The following HMHB1 variants were observed in gnomAD, a reference collection of about 807,000 sequenced individuals.
HMHB1 encodes the protein histocompatibility minor HB-1, also known as minor histocompatibility protein HB-1.
A neutral mutation model predicts 2.4 loss-of-function variants in HMHB1; 4 were observed. That is an observed-to-expected ratio of 1.65 (90% CI 0.81 to 3.77). HMHB1 has a LOEUF of 3.77. HMHB1 is among the 30% of genes most tolerant of loss of function. HMHB1 has a pLI of 0.01. For missense variants in HMHB1, 57 were observed against 44.2 expected (o/e 1.29, Z -0.82); for synonymous variants, 22 against 17.6 (o/e 1.25, Z -0.63).
At chr5:143,819,498 G>A (rs952790939) in intron 1 of HMHB1, among the ~76,000 whole-genome samples, 4 of 152,010 alleles carry the variant, frequency 2.6e-5, no homozygotes, top group Non-Finnish European at 2.9e-5. Context: ...AGCCAGGCAC[G>A]GTGGCAGGAG....
chr5:143,814,667 C>T (rs1197037272), intron 1 of HMHB1, among the ~76,000 whole-genome samples: 1 of 152,138 alleles, frequency 6.6e-6, no homozygotes, highest in African/African-American at 2.4e-5. Flanking sequence ...TCAATCGTCT[C>T]TAATTATATT....
chr5:143,817,557 G>A lies in HMHB1; in HGVS notation c.38-2923G>A, dbSNP rs555567125. On this transcript the variant is annotated intron_variant, in intron 1 of 1. Transcript: ENST00000289448. ...TTCTGGTTCTCTATTCTGTTCCATT[G>A]GTCTATGTGCCTATTTTTATACCAG... Among the ~76,000 whole-genome samples the A allele has an allele frequency of 1.6e-3, 237 of 152,226 alleles. 1 individual carries two copies. The highest frequency in any genetic ancestry group is 4.6e-3 in the African/African-American group (192 of 41,542).
At position 143,820,462 on chromosome 5, in the gene HMHB1, A is replaced by T; in HGVS notation, c.38-18A>T. On this transcript the variant is annotated intron_variant, in intron 1 of 1. Coordinates refer to ENST00000289448, the MANE Select transcript of HMHB1 (RefSeq NM_021182.3). ...AAGTTGTAAGCTCAAGTCTCAGCTAAGCCATTCTTTTCTATAGGTTCTCTG... is the reference window on the plus strand; with the variant it reads ...AAGTTGTAAGCTCAAGTCTCAGCTATGCCATTCTTTTCTATAGGTTCTCTG... The T allele has an allele frequency of 3.3e-6, 5 of 1,514,022 alleles. No individual in the cohort carries two copies. The highest frequency in any genetic ancestry group is 4.6e-6 in the Non-Finnish European group (5 of 1,089,756). The allele number at this position is 1,514,022 out of a possible 1,614,324, so 93.8% of individuals were successfully genotyped here.
intron 1 of HMHB1, 152 bp from the exon 2 acceptor site, chr5:143,820,328 A>AAAAAAAAAAAAAAAAAAAAAAAAAAC (rs1759796605): frequency 4.0e-6 from 1 of 249,604 alleles, no homozygotes; most frequent in Non-Finnish European, 7.0e-6. Context: ...TAAAAAAAAA[A>AAAAAAAAAAAAAAAAAAAAAAAAAAC]AAAAAAAAAA....
intron 1 of HMHB1, among the ~76,000 whole-genome samples, chr5:143,819,266 T>C (rs1471824868): frequency 1.3e-5 from 2 of 152,172 alleles, no homozygotes; most frequent in Admixed American, 1.3e-4. Context: ...TGGAGTCACA[T>C]AATATACATT....
intron 1 of HMHB1, among the ~76,000 whole-genome samples, chr5:143,819,586 G>A (rs1334331556): frequency 3.5e-5 from 5 of 143,762 alleles, no homozygotes; most frequent in African/African-American, 1.3e-4. Context: ...AATAAGCCAA[G>A]ATCGTGCCAC....
At chr5:143,819,979 T>C (rs2126794730) in intron 1 of HMHB1, among the ~76,000 whole-genome samples, 1 of 152,258 alleles carries the variant, frequency 6.6e-6, no homozygotes, top group East Asian at 1.9e-4. Context: ...CAGGAAATAT[T>C]GGCTTAATGT....
intron 1 of HMHB1, among the ~76,000 whole-genome samples, chr5:143,819,671 G>A (rs1759786572): frequency 6.6e-6 from 1 of 151,220 alleles, no homozygotes; most frequent in Non-Finnish European, 1.5e-5. Flanking sequence ...GCGGTGGGGA[G>A]CACAATGGCA....
chr5:143,813,337 C>A (rs1759713493), intron 1 of HMHB1, among the ~76,000 whole-genome samples: 1 of 152,156 alleles, frequency 6.6e-6, no homozygotes. Flanking sequence ...TCTTTCCAGG[C>A]AAAATAAACC....
At chr5:143,814,576 A>T (rs1217175190) in intron 1 of HMHB1, among the ~76,000 whole-genome samples, 1 of 152,170 alleles carries the variant, frequency 6.6e-6, no homozygotes, top group Non-Finnish European at 1.5e-5. Flanking sequence ...CCAGCACAAC[A>T]TCTCACATCC....
rs570778720 is a variant in HMHB1, at chr5:143,815,702, A to ATT, written c.37+3412_37+3413dup. Among the ~76,000 whole-genome samples the ATT allele has an allele frequency of 2.1e-4, 16 of 75,738 alleles. 1 individual carries two copies. Among genetic ancestry groups the ATT allele is most frequent in the African/African-American group, 6.3e-4 (13 of 20,782 alleles). The allele number at this position is 75,738 out of a possible 152,430, so 49.7% of individuals were successfully genotyped here. On this transcript the variant is annotated intron_variant, in intron 1 of 1. Transcript: ENST00000289448. ...GCCACCATGCCTGGCTAATTTTTGT[A>ATT]TTTTTTTTTTTTTTTGAGACGGAGT...
chr5:143,820,615 G>T lies in HMHB1; in HGVS notation c.*47G>T. 1.6e-6 allele frequency: 2 copies of T among 1,217,848 alleles called. No individual in the cohort carries two copies. The highest frequency in any genetic ancestry group is 1.2e-5 in the South Asian group (1 of 82,062). The allele number at this position is 1,217,848 out of a possible 1,614,324, so 75.4% of individuals were successfully genotyped here. A position where few individuals can be genotyped will look rare whatever the true frequency, so the allele number is the denominator to read the frequency against. ...CGAAGCCCAGAGTTTTGGTGTGGATGAGCAGGGACAAATTGCTGAGCATGA... is the reference window on the plus strand; with the variant it reads ...CGAAGCCCAGAGTTTTGGTGTGGATTAGCAGGGACAAATTGCTGAGCATGA... On this transcript the variant is annotated 3_prime_UTR_variant, in exon 2 of 2. Coordinates refer to ENST00000289448, the MANE Select transcript of HMHB1 (RefSeq NM_021182.3).
At chr5:143,820,339 A>AAC (rs1400705582) in intron 1 of HMHB1, 141 bp from the exon 2 acceptor site, 4 of 342,626 alleles carry the variant, frequency 1.2e-5, no homozygotes, top group African/African-American at 9.9e-5. Flanking sequence ...AAAAAAAAAA[A>AAC]AAAAAAAAAA....
intron 1 of HMHB1, among the ~76,000 whole-genome samples, chr5:143,815,702 ATTTTTTTT>A (rs570778720): frequency 0.013 from 980 of 74,958 alleles, 8 homozygotes; most frequent in African/African-American, 0.031. Context: ...TAATTTTTGT[ATTTTTTTT>A]TTTTTTTGAG....
At chr5:143,815,571 GAT>G (rs1759738338) in intron 1 of HMHB1, among the ~76,000 whole-genome samples, 1 of 151,196 alleles carries the variant, frequency 6.6e-6, no homozygotes, top group African/African-American at 2.4e-5. Flanking sequence ...GCCCAGGCTG[GAT>G]TTGGAGTGCA....
rs964915395 is a variant in HMHB1, at chr5:143,815,834, G to A, written c.37+3530G>A. Among the ~76,000 whole-genome samples the A allele has an allele frequency of 1.9e-4, 29 of 150,630 alleles. 2 individuals carry two copies. Among genetic ancestry groups the A allele is most frequent in the African/African-American group, 6.4e-4 (26 of 40,446 alleles). ...CCATTCTCCTGCCTCAGCCTCCCGA[G>A]TAGCTGGGACTACAGGCGCCCGCTA... is the stretch of plus-strand genomic sequence containing the variant. On this transcript the variant is annotated intron_variant, in intron 1 of 1. Coordinates refer to ENST00000289448, the MANE Select transcript of HMHB1 (RefSeq NM_021182.3).
intron 1 of HMHB1, among the ~76,000 whole-genome samples, 162 bp from the exon 2 acceptor site, chr5:143,820,318 T>TTAAAAAAAAAAA (rs1224094703): frequency 8.4e-5 from 4 of 47,578 alleles, no homozygotes; most frequent in African/African-American, 2.8e-4. Flanking sequence ...TCATCATAAG[T>TTAAAAAAAAAAA]AAAAAAAAAA....
intron 1 of HMHB1, among the ~76,000 whole-genome samples, chr5:143,818,708 T>C (rs545225311): frequency 1.3e-5 from 2 of 152,280 alleles, no homozygotes; most frequent in South Asian, 4.2e-4. Flanking sequence ...TATGGAGTAA[T>C]AAGATAATTT....
chr5:143,816,469 C>A (rs1759751037), intron 1 of HMHB1, among the ~76,000 whole-genome samples: 1 of 152,188 alleles, frequency 6.6e-6, no homozygotes, highest in African/African-American at 2.4e-5. Flanking sequence ...GTTTTCCATT[C>A]CTGAGTTACT....
Sources: allele counts gnomAD v4.1 joint callset (sites outside exome capture counted in the v4.1 genomes callset), GRCh38; gene constraint gnomAD v4.1.1; transcripts MANE v1.5; gene names NCBI Gene and HGNC (gene_info 2026-07-23, HGNC 2026-07-21).